The following ZNF71 variants were observed in gnomAD, a reference collection of about 807,000 sequenced individuals.
The protein encoded by ZNF71 is zinc finger protein 71.
ZNF71 carries 3 observed loss-of-function variants against 6.7 expected under a neutral mutation model. That is an observed-to-expected ratio of 0.45 (90% CI 0.20 to 1.16). ZNF71 has a LOEUF of 1.16. Ranked by LOEUF, ZNF71 falls within the 50% of genes most tolerant of loss-of-function variation. ZNF71 has a pLI of 0.25. For missense variants in ZNF71, 688 were observed against 728.6 expected, an observed-to-expected ratio of 0.94 and a Z score of 0.64; for synonymous variants, 343 against 311.1, an observed-to-expected ratio of 1.10 and a Z score of -1.08.
At chr19:56,601,653 C>T in intron 2 of ZNF71, 62 bp downstream of exon 2, 1 of 976,424 alleles carries the variant, frequency 1.0e-6, no homozygotes, top group Non-Finnish European at 1.2e-6. Context: ...GGGTGAGCCT[C>T]TGCTGCTCGA....
At chr19:56,620,085 T>C (rs564147072) in intron 3 of ZNF71, among the ~76,000 whole-genome samples, 1 of 152,254 alleles carries the variant, frequency 6.6e-6, no homozygotes, top group Non-Finnish European at 1.5e-5. Context: ...ACAGAAGCAA[T>C]TGTGAGACCC....
Position 56,622,686 on chromosome 19 carries a change from C to G in ZNF71, c.1579C>G (p.Arg527Gly), listed in dbSNP as rs145277321. 1.6e-5 allele frequency: 26 copies of G among 1,613,264 alleles called. No homozygotes were observed. In the African/African-American group the frequency reaches 3.1e-4, roughly 19 times the overall value. ...GATCCACACGGGCGAGAAGCCCTAC[C>G]GATGCGGCGAGTGCGGGAAGACCTT... is the stretch of plus-strand genomic sequence containing the variant. Reference protein sequence around the residue: ...QRIHTGEKPYRCGECGKTFSR... With the variant: ...QRIHTGEKPYGCGECGKTFSR... Residue 527 changes from arginine (R) to glycine (G), a missense_variant, in exon 4 of 4, where the codon CGA (arginine) becomes GGA (glycine). Transcript: ENST00000599599.
rs1227491324 is a variant in ZNF71, at chr19:56,624,090, AT to A, written c.*1336del. 40 of 166,878 alleles carry A rather than the reference AT, an allele frequency of 2.4e-4. No individual in the cohort carries two copies. The highest frequency in any genetic ancestry group is 8.9e-4 in the African/African-American group (37 of 41,592). The allele number at this position is 166,878 out of a possible 1,614,324, so 10.3% of individuals were successfully genotyped here. A position where few individuals can be genotyped will look rare whatever the true frequency, so the allele number is the denominator to read the frequency against. ...TTTAGGCCATACTTTTAATTTTGTT[AT>A]TTGATACTACTGGTTGCTAATGTTC... On this transcript the variant is annotated 3_prime_UTR_variant, in exon 4 of 4. Coordinates refer to ENST00000599599, the MANE Select transcript of ZNF71 (RefSeq NM_001370215.1).
In ZNF71 at chr19:56,622,302, T is replaced by C. The variant is rs575219516; in HGVS notation, c.1195T>C (p.Ser399Pro). The change falls in exon 4 of 4, where the codon TCC becomes CCC. Residue 399 changes from serine (S) to proline (P), a missense_variant. Transcript: ENST00000599599. ...GTGCGGCAAGGCCTTCAGCCAGAGC[T>C]CCTACCTCATCCAGCACCAGCGCTT... ...GECGKAFSQSSYLIQHQRFHI... is the reference protein window; with the variant it reads ...GECGKAFSQSPYLIQHQRFHI... 6.3e-6 allele frequency: 10 copies of C among 1,580,598 alleles called. No homozygotes were observed. Among genetic ancestry groups the C allele is most frequent in the Non-Finnish European group, 8.6e-6 (10 of 1,166,810 alleles).
chr19:56,599,233 G>A (rs951399082), intron 1 of ZNF71, among the ~76,000 whole-genome samples: 2 of 152,156 alleles, frequency 1.3e-5, no homozygotes, highest in African/African-American at 4.8e-5. Flanking sequence ...GGAGAAGCCA[G>A]GACTGAGCCA....
intron 1 of ZNF71, among the ~76,000 whole-genome samples, chr19:56,595,847 G>GTT (rs778050870): frequency 2.5e-5 from 3 of 121,808 alleles, no homozygotes; most frequent in South Asian, 3.0e-4. Context: ...GATTGTGTGT[G>GTT]TGTGTTTGTG....
chr19:56,608,106 A>G (rs1003202882), intron 2 of ZNF71, among the ~76,000 whole-genome samples: 1 of 152,040 alleles, frequency 6.6e-6, no homozygotes, highest in Non-Finnish European at 1.5e-5. Flanking sequence ...TTCCCCCTAA[A>G]TTTCTTATTG....
chr19:56,597,006 T>C (rs959936876), intron 1 of ZNF71, among the ~76,000 whole-genome samples: 3 of 152,242 alleles, frequency 2.0e-5, no homozygotes, highest in African/African-American at 7.2e-5. Context: ...CCAGGGCCGC[T>C]GCATGATTTT....
intron 1 of ZNF71, among the ~76,000 whole-genome samples, chr19:56,595,843 G>GTGTGTGTT (rs1555774521): frequency 2.1e-5 from 3 of 139,842 alleles, no homozygotes; most frequent in Non-Finnish European, 3.1e-5. Flanking sequence ...TTGTGATTGT[G>GTGTGTGTT]TGTGTGTGTT....
intron 2 of ZNF71, among the ~76,000 whole-genome samples, chr19:56,605,971 C>T (rs1468008019): frequency 6.6e-6 from 1 of 152,184 alleles, no homozygotes; most frequent in Non-Finnish European, 1.5e-5. Flanking sequence ...AATGCTGCCA[C>T]TCCCATCTGT....
At position 56,618,887 on chromosome 19, in the gene ZNF71, C is replaced by T. The variant is rs561944196; in HGVS notation, c.161-2381C>T. On this transcript the variant is annotated intron_variant, in intron 3 of 3. Transcript: ENST00000599599. The surrounding 1 kb of genome is among the most constrained non-coding windows in gnomAD (Gnocchi z 4.6). ...GGGTTGATCTGACTCCTCAGAAGAC[C>T]GCACTCCCGGAGGAGTGGAGGACGC... is the stretch of plus-strand genomic sequence containing the variant. Among the ~76,000 whole-genome samples, 11 of 152,174 alleles carry T rather than the reference C, an allele frequency of 7.2e-5. No individual in the cohort carries two copies. The highest frequency in any genetic ancestry group is 1.9e-4 in the East Asian group (1 of 5,156).
rs2044877437 is a variant in ZNF71, at chr19:56,622,985, G to A, written c.*228G>A. Reference sequence around the variant, plus strand: ...CTGACGTATCTGGGGACACTTCAAGGTTCACTGTAGCTGAGCCATGGCCGC... The same window carrying A: ...CTGACGTATCTGGGGACACTTCAAGATTCACTGTAGCTGAGCCATGGCCGC... On this transcript the variant is annotated 3_prime_UTR_variant, in exon 4 of 4. Coordinates refer to ENST00000599599, the MANE Select transcript of ZNF71 (RefSeq NM_001370215.1). 10 of 608,456 alleles carry A rather than the reference G, an allele frequency of 1.6e-5. No individual in the cohort carries two copies. Among genetic ancestry groups the A allele is most frequent in the Non-Finnish European group, 5.8e-6 (2 of 345,306 alleles). 37.7% of individuals were successfully genotyped at this position (608,456 alleles called of 1,614,324 possible).
At position 56,621,584 on chromosome 19, in the gene ZNF71, G is replaced by C; in HGVS notation, c.477G>C (p.Lys159Asn). 1.2e-6 allele frequency: 2 copies of C among 1,614,200 alleles called. No individual in the cohort carries two copies. The highest frequency in any genetic ancestry group is 1.1e-5 in the South Asian group (1 of 91,080). ...CACGGCTGGACGACCCCACAGAAAA[G>C]GGGGCCTGTCCACCCGTAAGGCGTG... ...VPPRLDDPTE[K>N]GACPPVRRGK... is the part of the protein sequence containing the mutation. Residue 159 changes from lysine to asparagine, a missense_variant, in exon 4 of 4, where the codon AAG (lysine) becomes AAC (asparagine). Coordinates refer to ENST00000599599, the MANE Select transcript of ZNF71 (RefSeq NM_001370215.1).
rs1398812361 is a variant in ZNF71 at position 56,600,472 on chromosome 19, C to T, written c.-52-1035C>T. ...TCGGCCTCCCAAAGTGCTGGGATTA[C>T]AGGCGTGAGCCACCGCGCCCGGCCC... On this transcript the variant is annotated intron_variant, in intron 1 of 3. Transcript: ENST00000599599. Among the ~76,000 whole-genome samples the T allele has an allele frequency of 1.3e-4, 2 of 15,754 alleles. 1 individual carries two copies. Among genetic ancestry groups the T allele is most frequent in the Non-Finnish European group, 3.1e-4 (2 of 6,532 alleles). 10.3% of individuals were successfully genotyped at this position (15,754 alleles called of 152,430 possible). A position where few individuals can be genotyped will look rare whatever the true frequency, so the allele number is the denominator to read the frequency against.
chr19:56,596,846 T>C (rs1051988072), intron 1 of ZNF71, among the ~76,000 whole-genome samples: 1 of 152,114 alleles, frequency 6.6e-6, no homozygotes, highest in African/African-American at 2.4e-5. Context: ...GACACAAGGT[T>C]GCAGGATTTT....
chr19:56,611,349 G>A (rs555882081), intron 2 of ZNF71, among the ~76,000 whole-genome samples: 13 of 152,274 alleles, frequency 8.5e-5, no homozygotes, highest in Non-Finnish European at 1.8e-4. Context: ...ATGAGGACTC[G>A]GGCTCTGGAG....
At chr19:56,599,678 T>C (rs925089124) in intron 1 of ZNF71, among the ~76,000 whole-genome samples, 1 of 151,470 alleles carries the variant, frequency 6.6e-6, no homozygotes, top group Non-Finnish European at 1.5e-5. Flanking sequence ...AACAATCTGA[T>C]TACATTTTTA....
In ZNF71 at chr19:56,618,003, C is replaced by T. The variant is rs2044810257; in HGVS notation, c.161-3265C>T. ...CAAAATTCACCATCACCCCTGGAGA[C>T]AGTCTTCTCTCCACCGAGTCTACAC... On this transcript the variant is annotated intron_variant, in intron 3 of 3. Coordinates refer to ENST00000599599, the MANE Select transcript of ZNF71 (RefSeq NM_001370215.1). The surrounding 1 kb of genome is among the most constrained non-coding windows in gnomAD (Gnocchi z 4.6). 1.0e-5 allele frequency among the ~76,000 whole-genome samples: 1 copy of T among 99,826 alleles called. No homozygotes were observed. Among genetic ancestry groups the T allele is most frequent in the Non-Finnish European group, 2.2e-5 (1 of 46,220 alleles). The allele number at this position is 99,826 out of a possible 152,430, so 65.5% of individuals were successfully genotyped here.
In ZNF71 at chr19:56,614,233, A is replaced by G. The variant is rs1013011832; in HGVS notation, c.160+295A>G. 3.3e-5 allele frequency among the ~76,000 whole-genome samples: 5 copies of G among 152,366 alleles called. No individual in the cohort carries two copies. The East Asian group carries it at 9.6e-4, about 29-fold the overall frequency. On this transcript the variant is annotated intron_variant, in intron 3 of 3. Coordinates refer to ENST00000599599, the MANE Select transcript of ZNF71 (RefSeq NM_001370215.1). ...GTGATTCATAGATTTAGAAATACAC[A>G]AAGTTAACACTTTATAAAAGTTTTT...
Sources: allele counts gnomAD v4.1 joint callset (sites outside exome capture counted in the v4.1 genomes callset), GRCh38; gene constraint gnomAD v4.1.1; non-coding constraint Gnocchi (gnomAD v3.1); transcripts MANE v1.5; gene names NCBI Gene and HGNC (gene_info 2026-07-23, HGNC 2026-07-21).